Variants in RAD21L1 observed in about 807,000 individuals in gnomAD.
RAD21L1 encodes RAD21 cohesin complex component like 1, also known as double-strand-break repair protein rad21-like protein 1.
RAD21L1 carries 47 observed loss-of-function variants against 69.0 expected under a neutral mutation model. The observed-to-expected ratio is 0.68, with a 90% CI of 0.54 to 0.87. The LOEUF is 0.87. Ranked by LOEUF, RAD21L1 falls within the 40% of genes least tolerant of loss-of-function variation. The pLI, the probability that RAD21L1 is intolerant of heterozygous loss-of-function variation, is 0.00. For missense variants in RAD21L1, 583 were observed against 647.6 expected, an observed-to-expected ratio of 0.90 and a Z score of 1.08; for synonymous variants, 177 against 205.8, an observed-to-expected ratio of 0.86 and a Z score of 1.20.
At chr20:1,234,363 C>T (rs1172067597) in intron 5 of RAD21L1, among the ~76,000 whole-genome samples, 172 bp downstream of exon 5, 1 of 152,176 alleles carries the variant, frequency 6.6e-6, no homozygotes, top group African/African-American at 2.4e-5. Flanking sequence ...TGCCAAGACT[C>T]AGTCTTAGGA....
rs199940094 is a variant in RAD21L1 at position 1,251,644 on chromosome 20, TA to T, written c.1480-2623del. Reference sequence around the variant, plus strand: ...TCCTGAACTACTCCTTTAATTTTAATAACATCTTTTATCCTCTATATTAATT... The same window carrying T: ...TCCTGAACTACTCCTTTAATTTTAATACATCTTTTATCCTCTATATTAATT... On this transcript the variant is annotated intron_variant, in intron 13 of 13. Transcript: ENST00000683101. Among the ~76,000 whole-genome samples the T allele has an allele frequency of 8.7e-3, 1,321 of 152,112 alleles. 24 individuals are homozygous for T. The highest frequency in any genetic ancestry group is 0.03 in the African/African-American group (1,232 of 41,554).
intron 11 of RAD21L1, among the ~76,000 whole-genome samples, chr20:1,245,647 C>T (rs1441690361): frequency 6.6e-6 from 1 of 152,080 alleles, no homozygotes; most frequent in African/African-American, 2.4e-5. Flanking sequence ...AAATCTCTGT[C>T]TCTTTTTCTT....
rs2087391296 is a variant in RAD21L1, at chr20:1,231,568, A to G, written c.317A>G (p.Asn106Ser). 6.5e-7 allele frequency: 1 copy of G among 1,541,426 alleles called. No homozygotes were observed. Among genetic ancestry groups the G allele is most frequent in the South Asian group, 1.2e-5 (1 of 82,426 alleles). Residue 106 changes from asparagine (N) to serine (S), a missense_variant, in exon 4 of 14, where the codon AAT becomes AGT. Asn to Ser is a conservative substitution (Grantham distance 46, BLOSUM62 1). Transcript: ENST00000683101. ...LPKENFEASYNAITLPEEFHD... is the reference protein window; with the variant it reads ...LPKENFEASYSAITLPEEFHD... ...AAAGAGAATTTTGAAGCATCTTACA[A>G]TGCTATCACATTGCCAGAAGAATTT...
chr20:1,226,970 G>C (rs1176909179), intron 1 of RAD21L1, among the ~76,000 whole-genome samples: 1 of 152,112 alleles, frequency 6.6e-6, no homozygotes, highest in African/African-American at 2.4e-5. Flanking sequence ...AGTGCAGTAG[G>C]GCGATCGCGG....
chr20:1,238,673 A>G (rs2087547448), intron 6 of RAD21L1, among the ~76,000 whole-genome samples: 1 of 152,002 alleles, frequency 6.6e-6, no homozygotes, highest in African/African-American at 2.4e-5. Context: ...ACCTCTACCT[A>G]TCCTCAAGGC....
At chr20:1,247,076 C>G (rs2087732118) in intron 12 of RAD21L1, among the ~76,000 whole-genome samples, 1 of 152,134 alleles carries the variant, frequency 6.6e-6, no homozygotes, top group Non-Finnish European at 1.5e-5. Context: ...GAATAAATTA[C>G]CTGAACTTTT....
chr20:1,236,657 G>A (rs919841304), intron 5 of RAD21L1, among the ~76,000 whole-genome samples: 1 of 152,182 alleles, frequency 6.6e-6, no homozygotes, highest in African/African-American at 2.4e-5. Context: ...GTCCCTATTT[G>A]TAAAGTTGGG....
chr20:1,237,903 A>C (rs536100599), intron 5 of RAD21L1, 141 bp from the exon 6 acceptor site: 1 of 479,142 alleles, frequency 2.1e-6, no homozygotes, highest in South Asian at 5.8e-5. Context: ...TGAATAATTC[A>C]AGTAAGTCTT....
intron 3 of RAD21L1, among the ~76,000 whole-genome samples, chr20:1,230,236 TG>T (rs2087362261): frequency 6.6e-6 from 1 of 152,238 alleles, no homozygotes. Context: ...TGCATATTTA[TG>T]GAAGACATAT....
Position 1,238,222 on chromosome 20 carries a change from A to G in RAD21L1, c.646+8A>G. On this transcript the variant is annotated splice_region_variant and intron_variant, in intron 6 of 13. Transcript: ENST00000683101. Reference sequence around the variant, plus strand: ...CTGCAGGAGAAATGATTGGTATGCTATCTGGTCATGTGGAAATAAAATATT... The same window carrying G: ...CTGCAGGAGAAATGATTGGTATGCTGTCTGGTCATGTGGAAATAAAATATT... The G allele has an allele frequency of 3.4e-6, 5 of 1,472,582 alleles. No homozygotes were observed. Among genetic ancestry groups the G allele is most frequent in the Non-Finnish European group, 4.6e-6 (5 of 1,095,812 alleles). 91.2% of individuals were successfully genotyped at this position (1,472,582 alleles called of 1,614,324 possible). A position where few individuals can be genotyped will look rare whatever the true frequency, so the allele number is the denominator to read the frequency against.
At chr20:1,239,745 G>A (rs918825154) in intron 7 of RAD21L1, among the ~76,000 whole-genome samples, 1 of 152,170 alleles carries the variant, frequency 6.6e-6, no homozygotes, top group African/African-American at 2.4e-5. Flanking sequence ...ACAAATTGAG[G>A]ATATTTTCCC....
Position 1,230,010 on chromosome 20 carries a change from G to A in RAD21L1, c.274+1G>A. ...AAAATGAAGATGACATTTTGCCCAG[G>A]TATACATGTAATATTGATTTGTCTC... On this transcript the variant is annotated splice_donor_variant, in intron 3 of 13. Coordinates refer to ENST00000683101, the MANE Select transcript of RAD21L1 (RefSeq NM_001384355.1). LOFTEE classifies it high-confidence loss of function. The A allele has an allele frequency of 6.5e-7, 1 of 1,542,940 alleles. No individual in the cohort carries two copies. Among genetic ancestry groups the A allele is most frequent in the Non-Finnish European group, 8.8e-7 (1 of 1,140,934 alleles).
chr20:1,242,788 A>G lies in RAD21L1; in HGVS notation c.1026A>G (p.Gly342=), dbSNP rs1446550145. 11 of 1,551,566 alleles carry G rather than the reference A, an allele frequency of 7.1e-6. No homozygotes were observed. Among genetic ancestry groups the G allele is most frequent in the Non-Finnish European group, 8.7e-6 (10 of 1,146,904 alleles). Residue 342 remains glycine (G), a synonymous_variant, in exon 9 of 14, where the codon GGA becomes GGG. Transcript: ENST00000683101. ...QRLMMWKKRG[G]VHTLLSTAAQ... Reference sequence around the variant, plus strand: ...TGATGATGTGGAAGAAGAGGGGAGGAGTGCATACACTTCTGTCAACTGCTG... The same window carrying G: ...TGATGATGTGGAAGAAGAGGGGAGGGGTGCATACACTTCTGTCAACTGCTG...
intron 12 of RAD21L1, among the ~76,000 whole-genome samples, chr20:1,248,045 C>CAAA (rs71327497): frequency 0.037 from 2,660 of 71,772 alleles, 130 homozygotes; most frequent in East Asian, 0.11. Flanking sequence ...CCTTAAATAC[C>CAAA]AAAAAAAAAA....
intron 7 of RAD21L1, among the ~76,000 whole-genome samples, chr20:1,239,748 A>G (rs1335140756): frequency 6.6e-6 from 1 of 152,188 alleles, no homozygotes; most frequent in Non-Finnish European, 1.5e-5. Flanking sequence ...AATTGAGGAT[A>G]TTTTCCCTAT....
chr20:1,252,762 C>A (rs2087860605), intron 13 of RAD21L1, among the ~76,000 whole-genome samples: 1 of 151,038 alleles, frequency 6.6e-6, no homozygotes, highest in Non-Finnish European at 1.5e-5. Flanking sequence ...TGAGCTTTTC[C>A]TAGGTACTGT....
At position 1,231,594 on chromosome 20, in the gene RAD21L1, C is replaced by A; in HGVS notation, c.343C>A (p.His115Asn). The change falls in exon 4 of 14, where the codon CAT (histidine) becomes AAT (asparagine). Residue 115 changes from histidine (H) to asparagine (N), a missense_variant. By Grantham distance (68) the His-to-Asn change is moderately conservative. Transcript: ENST00000683101. ...YNAITLPEEF[H>N]DFDTQNMNAI... ...TGCTATCACATTGCCAGAAGAATTT[C>A]ATGATTTTGACACCCAAAATATGAA... 2 of 1,522,930 alleles carry A rather than the reference C, an allele frequency of 1.3e-6. No homozygotes were observed. The highest frequency in any genetic ancestry group is 1.8e-6 in the Non-Finnish European group (2 of 1,124,602). The allele number at this position is 1,522,930 out of a possible 1,614,324, so 94.3% of individuals were successfully genotyped here.
At chr20:1,244,650 CTTT>C (rs1230657953) in intron 11 of RAD21L1, among the ~76,000 whole-genome samples, 2 of 152,012 alleles carry the variant, frequency 1.3e-5, no homozygotes, top group Non-Finnish European at 2.9e-5. Context: ...ATTTTAAAAA[CTTT>C]TTAAGATATA....
At position 1,246,343 on chromosome 20, in the gene RAD21L1, C is replaced by A; in HGVS notation, c.1401+38C>A. 9.4e-7 allele frequency: 1 copy of A among 1,059,346 alleles called. No homozygotes were observed. Among genetic ancestry groups the A allele is most frequent in the Non-Finnish European group, 1.3e-6 (1 of 754,854 alleles). 65.6% of individuals were successfully genotyped at this position (1,059,346 alleles called of 1,614,324 possible). On this transcript the variant is annotated intron_variant, in intron 12 of 13. Coordinates refer to ENST00000683101, the MANE Select transcript of RAD21L1 (RefSeq NM_001384355.1). This position sits in a 1 kb window ranked among gnomAD's most constrained non-coding sequence, Gnocchi z 4.6. ...GTAGTCTTGGGGATGTTCTTAAAAA[C>A]TTTATTCCTAAATATTTAACACCTT... is the stretch of plus-strand genomic sequence containing the variant.
Sources: gnomAD v4.1 joint callset for allele counts (sites outside exome capture counted in the v4.1 genomes callset) on GRCh38, gnomAD v4.1.1 for gene constraint, Gnocchi (gnomAD v3.1) non-coding constraint, MANE v1.5 for transcripts, NCBI Gene and HGNC (gene_info 2026-07-23, HGNC 2026-07-21) for gene names.